The following HIGD1C variants were observed in gnomAD, a reference collection of about 807,000 sequenced individuals.
HIGD1C encodes HIG1 hypoxia inducible domain family member 1C.
Under a neutral mutation model 13.1 loss-of-function variants are expected in HIGD1C, and 11 were observed. That is an observed-to-expected ratio of 0.84 (90% CI 0.53 to 1.39). HIGD1C has a LOEUF of 1.39. Among genes scored for constraint, HIGD1C ranks in the 40% most tolerant of loss-of-function variants. The pLI is 0.00. For missense variants in HIGD1C, 110 were observed against 112.0 expected (o/e 0.98, Z 0.08); for synonymous variants, 36 against 37.7 (o/e 0.95, Z 0.17).
downstream of HIGD1C, among the ~76,000 whole-genome samples, chr12:50,970,745 A>AT (rs1939732846): frequency 6.6e-6 from 1 of 152,184 alleles, no homozygotes. Flanking sequence ...TTCTGACTTA[A>AT]TTTTTTCAAA....
the HIGD1C span, among the ~76,000 whole-genome samples, chr12:50,938,425 G>A: frequency 2.0e-5 from 3 of 152,198 alleles, no homozygotes; most frequent in African/African-American, 7.2e-5. Context: ...TTGGGGAAGG[G>A]GGTTTCCCAG....
At chr12:50,957,502 C>T (rs1039821467) in intron 1 of HIGD1C, among the ~76,000 whole-genome samples, 9 of 151,854 alleles carry the variant, frequency 5.9e-5, no homozygotes, top group African/African-American at 2.2e-4. Context: ...CCCACCCAGC[C>T]TGCATTTCTT....
At chr12:50,931,692 C>T in the HIGD1C span, 1 of 104,770 alleles carries the variant, frequency 9.5e-6, no homozygotes, top group African/African-American at 3.9e-5. Context: ...GCCTGGGTGA[C>T]AAGAGCAAGA....
chr12:50,956,032 G>T lies in HIGD1C; in HGVS notation c.94+1940G>T, dbSNP rs113529122. ...TCCAAAAGAAACAAAACCAATTTAA[G>T]TAAGAACAGAACTTTCATTTGATTA... is the stretch of plus-strand genomic sequence containing the variant. On this transcript the variant is annotated intron_variant, in intron 1 of 2. Coordinates refer to ENST00000398455, the Ensembl canonical transcript of HIGD1C. 2.4e-3 allele frequency among the ~76,000 whole-genome samples: 371 copies of T among 152,296 alleles called. 1 individual carries two copies. The highest frequency in any genetic ancestry group is 8.6e-3 in the African/African-American group (356 of 41,550).
At chr12:50,937,410 A>G in the HIGD1C span, among the ~76,000 whole-genome samples, 1 of 152,210 alleles carries the variant, frequency 6.6e-6, no homozygotes, top group Non-Finnish European at 1.5e-5. Context: ...TGGAGGCACC[A>G]TTGACCCCGA....
upstream of HIGD1C, chr12:50,953,839 G>C: frequency 3.7e-6 from 2 of 545,510 alleles, no homozygotes; most frequent in South Asian, 5.1e-5. Context: ...GTAGTGAAAA[G>C]TGTGAAGGAA....
At chr12:50,932,351 T>G in the HIGD1C span, 1 of 152,238 alleles carries the variant, frequency 6.6e-6, no homozygotes. Context: ...CAAGTGCCTC[T>G]GAAAGCGAGT....
exon 3 of HIGD1C, chr12:50,970,497 C>A: frequency 6.6e-7 from 1 of 1,525,758 alleles, no homozygotes; most frequent in South Asian, 1.2e-5. Flanking sequence ...TCAGTGAGTC[C>A]AAAAAATGAA....
chr12:50,953,395 T>C (rs1424595935), upstream of HIGD1C, among the ~76,000 whole-genome samples: 3 of 152,236 alleles, frequency 2.0e-5, no homozygotes, highest in African/African-American at 4.8e-5. Flanking sequence ...GTTGTGATTA[T>C]AGTTGCTTTT....
chr12:50,960,423 C>G (rs188994602), intron 1 of HIGD1C, among the ~76,000 whole-genome samples: 2 of 152,292 alleles, frequency 1.3e-5, no homozygotes, highest in Middle Eastern at 3.4e-3. Flanking sequence ...AATCATTCCT[C>G]AGGAAATTAC....
At chr12:50,950,670 A>ATTTTTTTT (rs57553489), upstream of HIGD1C, among the ~76,000 whole-genome samples, 1 of 87,672 alleles carries the variant, frequency 1.1e-5, no homozygotes, top group Non-Finnish European at 2.1e-5. Context: ...TGCCCAGCTA[A>ATTTTTTTT]TTTTTTTTTT....
intron 2 of HIGD1C, among the ~76,000 whole-genome samples, chr12:50,962,333 T>G (rs753775534): frequency 6.6e-6 from 1 of 150,776 alleles, no homozygotes; most frequent in Non-Finnish European, 1.5e-5. Context: ...ATCGCTTGAA[T>G]CTGGGAGGTG....
At chr12:50,942,072 G>A in the HIGD1C span, among the ~76,000 whole-genome samples, 3 of 151,978 alleles carry the variant, frequency 2.0e-5, no homozygotes, top group African/African-American at 7.3e-5. Flanking sequence ...TGGTAGAGAT[G>A]GGTTTCGCCA....
At chr12:50,960,973 G>C in exon 2 of HIGD1C, 1 of 1,582,854 alleles carries the variant, frequency 6.3e-7, no homozygotes, top group Non-Finnish European at 8.6e-7. Context: ...CACAGGTATA[G>C]CAGGCTTTGT....
At chr12:50,941,115 T>C in the HIGD1C span, among the ~76,000 whole-genome samples, 2 of 152,194 alleles carry the variant, frequency 1.3e-5, no homozygotes, top group African/African-American at 2.4e-5. Flanking sequence ...ATCCTCCCTC[T>C]TGGGCTTCCC....
the HIGD1C span, among the ~76,000 whole-genome samples, chr12:50,936,998 C>T: frequency 6.6e-6 from 1 of 152,186 alleles, no homozygotes; most frequent in African/African-American, 2.4e-5. Flanking sequence ...TCACTAACAC[C>T]CAGAGGTATG....
chr12:50,943,264 C>T, the HIGD1C span, among the ~76,000 whole-genome samples: 1 of 152,162 alleles, frequency 6.6e-6, no homozygotes, highest in East Asian at 1.9e-4. Flanking sequence ...TCCCTCATGC[C>T]TGGTTCTATA....
the HIGD1C span, among the ~76,000 whole-genome samples, chr12:50,942,764 T>C: frequency 2.5e-4 from 38 of 151,890 alleles, no homozygotes; most frequent in Admixed American, 2.4e-3. Flanking sequence ...CTCAGGAGGC[T>C]GAGGTGGGTG....
chr12:50,968,389 T>G (rs568359273), intron 2 of HIGD1C, among the ~76,000 whole-genome samples: 53 of 151,950 alleles, frequency 3.5e-4, no homozygotes, highest in South Asian at 6.3e-4. Flanking sequence ...GATTCTTTTT[T>G]TGTGTGTGTG....
Sources: allele counts gnomAD v4.1 joint callset (sites outside exome capture counted in the v4.1 genomes callset), GRCh38; gene constraint gnomAD v4.1.1; transcripts MANE v1.5; gene names NCBI Gene and HGNC (gene_info 2026-07-23, HGNC 2026-07-21).